The following SLC6A7 variants were observed in gnomAD, a reference collection of about 807,000 sequenced individuals.
SLC6A7 encodes the protein solute carrier family 6 member 7, also known as sodium-dependent proline transporter.
In SLC6A7, 58 loss-of-function variants were observed where a neutral mutation model predicts 73.1. That is an observed-to-expected ratio of 0.79 (90% CI 0.64 to 0.99). The LOEUF (loss-of-function observed/expected upper bound fraction) is 0.99, where lower values mean the gene tolerates loss of function less well. SLC6A7 is among the 50% of genes least tolerant of loss of function. The pLI, the probability that SLC6A7 is intolerant of heterozygous loss-of-function variation, is 0.00. For synonymous variants in SLC6A7, 338 were observed against 338.7 expected (o/e 1.00, Z 0.02); for missense variants, 783 against 831.4 (o/e 0.94, Z 0.72).
At chr5:150,201,688 G>A (rs1753391658) in intron 6 of SLC6A7, among the ~76,000 whole-genome samples, 1 of 152,132 alleles carries the variant, frequency 6.6e-6, no homozygotes, top group Non-Finnish European at 1.5e-5. Flanking sequence ...CTAGGGGATC[G>A]AAGAACAGGG....
At chr5:150,191,348 C>T (rs1349094240) in intron 1 of SLC6A7, among the ~76,000 whole-genome samples, 1 of 144,626 alleles carries the variant, frequency 6.9e-6, no homozygotes, top group African/African-American at 2.7e-5. Context: ...CACTCACACT[C>T]ACTCACACAC....
At position 150,194,776 on chromosome 5, in the gene SLC6A7, G is replaced by C. The variant is rs199699903; in HGVS notation, c.82G>C (p.Asp28His). 3.1e-6 allele frequency: 5 copies of C among 1,614,100 alleles called. No individual in the cohort carries two copies. Among genetic ancestry groups the C allele is most frequent in the Non-Finnish European group, 4.2e-6 (5 of 1,180,004 alleles). ...GACCCCCAGTGACCAGGGCGATGTC[G>C]ACCTGGATGTGGACTTTGCTGCACA... ...LMTPSDQGDVDLDVDFAAHRG... is the reference protein window; with the variant it reads ...LMTPSDQGDVHLDVDFAAHRG... The change falls in exon 2 of 14, where the codon GAC (aspartate) becomes CAC (histidine). Residue 28 changes from aspartate to histidine, a missense_variant. By Grantham distance (81) the Asp-to-His change is moderately conservative. Transcript: ENST00000230671.
rs1224026029 is a variant in SLC6A7, at chr5:150,190,312, C to A, written c.-16C>A. 2.6e-6 allele frequency: 4 copies of A among 1,510,046 alleles called. No homozygotes were observed. In the African/African-American group the frequency reaches 4.3e-5, roughly 16 times the overall value. The allele number at this position is 1,510,046 out of a possible 1,614,324, so 93.5% of individuals were successfully genotyped here. A position where few individuals can be genotyped will look rare whatever the true frequency, so the allele number is the denominator to read the frequency against. ...GCGCTCCGGGGCAGCTGAGCCCCGG[C>A]CACCCGCTCTCCAAGATGAAGAAGC... On this transcript the variant is annotated 5_prime_UTR_variant, in exon 1 of 14. Coordinates refer to ENST00000230671, the MANE Select transcript of SLC6A7 (RefSeq NM_014228.5).
chr5:150,190,226 C>A lies in SLC6A7; in HGVS notation c.-102C>A. The stretch of plus-strand genomic sequence containing the variant: ...GTCCGTGCCCGCCCCAGCCGGTGCG[C>A]GGGAGCCGCGGGGGCAAAGGCGCAG... On this transcript the variant is annotated 5_prime_UTR_variant, in exon 1 of 14. Coordinates refer to ENST00000230671, the MANE Select transcript of SLC6A7 (RefSeq NM_014228.5). The A allele has an allele frequency of 3.0e-6, 3 of 1,015,048 alleles. No individual in the cohort carries two copies. Among genetic ancestry groups the A allele is most frequent in the Non-Finnish European group, 4.2e-6 (3 of 712,476 alleles). The allele number at this position is 1,015,048 out of a possible 1,614,324, so 62.9% of individuals were successfully genotyped here.
At chr5:150,201,056 G>A (rs575055897) in intron 5 of SLC6A7, 33 bp from the exon 6 acceptor site, 80 of 1,610,890 alleles carry the variant, frequency 5.0e-5, no homozygotes, top group Non-Finnish European at 6.2e-5. Context: ...CAAGGTCCCC[G>A]ATGCCATCAG....
At chr5:150,194,310 T>A (rs1474793593) in intron 1 of SLC6A7, among the ~76,000 whole-genome samples, 1 of 151,602 alleles carries the variant, frequency 6.6e-6, no homozygotes, top group Non-Finnish European at 1.5e-5. Context: ...GCGCCTGTAG[T>A]CCCAGCTACT....
chr5:150,195,547 G>T (rs1262804828), intron 2 of SLC6A7, among the ~76,000 whole-genome samples: 1 of 152,198 alleles, frequency 6.6e-6, no homozygotes, highest in Non-Finnish European at 1.5e-5. Context: ...CTATTGGGTA[G>T]GCACCATGGA....
chr5:150,201,047 A>G, intron 5 of SLC6A7, 42 bp from the exon 6 acceptor site: 4 of 1,608,850 alleles, frequency 2.5e-6, no homozygotes, highest in South Asian at 2.2e-5. Flanking sequence ...GCACTGAGTC[A>G]AGGTCCCCGA....
intron 2 of SLC6A7, 43 bp downstream of exon 2, chr5:150,194,954 G>T: frequency 6.4e-7 from 1 of 1,564,552 alleles, no homozygotes; most frequent in Non-Finnish European, 8.8e-7. Flanking sequence ...GGGGTGATGG[G>T]CCAAGGCCCT....
chr5:150,196,910 C>G (rs1389286180), intron 3 of SLC6A7, 63 bp downstream of exon 3: 2 of 1,560,242 alleles, frequency 1.3e-6, no homozygotes, highest in African/African-American at 2.7e-5. Context: ...AGGGAGGTTG[C>G]CCCCAGAACC....
intron 12 of SLC6A7, among the ~76,000 whole-genome samples, 179 bp downstream of exon 12, chr5:150,205,106 C>T (rs1389859926): frequency 6.6e-6 from 1 of 152,244 alleles, no homozygotes; most frequent in Non-Finnish European, 1.5e-5. Flanking sequence ...CTGTGCTGGG[C>T]CTGGCCCTAG....
chr5:150,198,608 G>A (rs1169423883), intron 4 of SLC6A7, among the ~76,000 whole-genome samples: 1 of 152,202 alleles, frequency 6.6e-6, no homozygotes, highest in Non-Finnish European at 1.5e-5. Context: ...TGGATTGTCA[G>A]AGGGTTTCAC....
In SLC6A7 at chr5:150,200,674, GT is replaced by G. The variant is rs556829020; in HGVS notation, c.724-414del. Among the ~76,000 whole-genome samples the G allele has an allele frequency of 4.2e-4, 64 of 152,294 alleles. 1 individual carries two copies. In the East Asian group the frequency reaches 8.9e-3, roughly 21 times the overall value. ...ATATAGAAAGAGAGAAGAGGTTATG[GT>G]CAAAGCCAAGGCAGTGAGGACGCTG... On this transcript the variant is annotated intron_variant, in intron 5 of 13. Transcript: ENST00000230671.
chr5:150,205,710 C>A, intron 13 of SLC6A7, 87 bp downstream of exon 13: 2 of 1,175,944 alleles, frequency 1.7e-6, no homozygotes, highest in South Asian at 1.5e-5. Context: ...AACATATGCA[C>A]CCACCCCTTA....
In SLC6A7 at chr5:150,201,243, G is replaced by A. The variant is rs1436453982; in HGVS notation, c.858+20G>A. 1.3e-6 allele frequency: 2 copies of A among 1,589,054 alleles called. No homozygotes were observed. The highest frequency in any genetic ancestry group is 8.6e-7 in the Non-Finnish European group (1 of 1,167,156). ...TCCAAGGTGAGCCCCTCAGGGCGGG[G>A]TGCAGAGGGAGGGGCCAGGCCTGAG... On this transcript the variant is annotated intron_variant, in intron 6 of 13. Coordinates refer to ENST00000230671, the MANE Select transcript of SLC6A7 (RefSeq NM_014228.5).
At chr5:150,205,392 T>C in intron 12 of SLC6A7, 64 bp from the exon 13 acceptor site, 4 of 1,301,132 alleles carry the variant, frequency 3.1e-6, no homozygotes, top group Non-Finnish European at 4.1e-6. Flanking sequence ...TAGGCTGGGC[T>C]ACCTCGGGCC....
At chr5:150,200,796 A>T (rs1753338977) in intron 5 of SLC6A7, among the ~76,000 whole-genome samples, 2 of 152,176 alleles carry the variant, frequency 1.3e-5, no homozygotes, top group African/African-American at 4.8e-5. Context: ...TCTGAGGATG[A>T]TGCAGAGTGA....
intron 13 of SLC6A7, 25 bp from the exon 14 acceptor site, chr5:150,209,381 C>T: frequency 6.2e-7 from 1 of 1,603,470 alleles, no homozygotes; most frequent in Non-Finnish European, 8.5e-7. Flanking sequence ...TTCCTGTTTT[C>T]ACTGCTCTCG....
chr5:150,204,069 G>A (rs1753551539), intron 10 of SLC6A7, 31 bp downstream of exon 10: 1 of 1,604,188 alleles, frequency 6.2e-7, no homozygotes, highest in African/African-American at 1.3e-5. Context: ...GATGGCAGGT[G>A]GGCGGGACAA....
Sources: allele counts gnomAD v4.1 joint callset (sites outside exome capture counted in the v4.1 genomes callset), GRCh38; gene constraint gnomAD v4.1.1; transcripts MANE v1.5; gene names NCBI Gene and HGNC (gene_info 2026-07-23, HGNC 2026-07-21).